The following MFHAS1 variants were observed in gnomAD, a reference collection of about 807,000 sequenced individuals.
MFHAS1 encodes malignant fibrous histiocytoma-amplified sequence 1.
MFHAS1 carries 50 observed loss-of-function variants against 70.4 expected under a neutral mutation model. The ratio of observed to expected loss-of-function variants is 0.71; its 90% CI spans 0.57 to 0.90. MFHAS1 has a LOEUF of 0.90. Ranked by LOEUF, MFHAS1 falls within the 40% of genes least tolerant of loss-of-function variation. The pLI, the probability that MFHAS1 is intolerant of heterozygous loss-of-function variation, is 0.00. For synonymous variants in MFHAS1, 952 were observed against 620.0 expected, an observed-to-expected ratio of 1.54 and a Z score of -7.96; for missense variants, 1,795 against 1,347.6, an observed-to-expected ratio of 1.33 and a Z score of -5.20.
chr8:8,855,204 C>T (rs58386088), intron 1 of MFHAS1, among the ~76,000 whole-genome samples: 6,257 of 152,308 alleles, frequency 0.041, 375 homozygotes, highest in African/African-American at 0.14. Flanking sequence ...CCACCCGCCT[C>T]GGCCTCCCAA....
chr8:8,837,855 A>AT (rs1807659622), intron 1 of MFHAS1, among the ~76,000 whole-genome samples: 1 of 152,192 alleles, frequency 6.6e-6, no homozygotes, highest in Non-Finnish European at 1.5e-5. Context: ...CCGCTACAGA[A>AT]AACAGTATTA....
intron 1 of MFHAS1, among the ~76,000 whole-genome samples, chr8:8,863,833 T>C (rs571050005): frequency 3.3e-5 from 5 of 152,268 alleles, no homozygotes; most frequent in East Asian, 1.9e-4. Context: ...CTTAAGAAAG[T>C]TGCATTTGTT....
rs764542837 is a variant in MFHAS1, at chr8:8,890,800, G to A, written c.2259C>T (p.Leu753=). ...CCTTGCCCTCTCCACTGGTCCCTAG[G>A]AGCAGCTTATGCAGCAGCAAAGAGG... The part of the protein sequence containing the change: ...RDPSLLLHKL[L]LGTSGEGKAE... Residue 753 remains leucine, a synonymous_variant, in exon 1 of 3, where the codon CTC becomes CTT. Coordinates refer to ENST00000276282, the MANE Select transcript of MFHAS1 (RefSeq NM_004225.3). 1 of 1,614,180 alleles carries A rather than the reference G, an allele frequency of 6.2e-7. No homozygotes were observed. The highest frequency in any genetic ancestry group is 1.1e-5 in the South Asian group (1 of 91,080).
chr8:8,800,736 T>G (rs1455793114), intron 1 of MFHAS1, among the ~76,000 whole-genome samples: 1 of 152,156 alleles, frequency 6.6e-6, no homozygotes, highest in East Asian at 1.9e-4. Flanking sequence ...CCCTGAAAAC[T>G]CTCTCCTGGT....
At chr8:8,865,214 T>A (rs567710739) in intron 1 of MFHAS1, among the ~76,000 whole-genome samples, 1 of 142,326 alleles carries the variant, frequency 7.0e-6, no homozygotes, top group South Asian at 2.2e-4. Flanking sequence ...GAGCTGGAGG[T>A]TGCAGTAAGC....
intron 1 of MFHAS1, among the ~76,000 whole-genome samples, chr8:8,829,979 G>A (rs1807320259): frequency 6.6e-6 from 1 of 152,218 alleles, no homozygotes; most frequent in Admixed American, 6.5e-5. Flanking sequence ...TTGCTTTAGA[G>A]TGTGCCTGCT....
chr8:8,839,519 A>T (rs1807724149), intron 1 of MFHAS1, among the ~76,000 whole-genome samples: 1 of 152,290 alleles, frequency 6.6e-6, no homozygotes, highest in South Asian at 2.1e-4. Context: ...ACCAATTATG[A>T]AATTAGTGAC....
intron 1 of MFHAS1, among the ~76,000 whole-genome samples, chr8:8,814,931 C>T (rs1286334780): frequency 6.7e-6 from 1 of 150,312 alleles, no homozygotes; most frequent in Non-Finnish European, 1.5e-5. Context: ...TAAACGTGTG[C>T]CATGGGAGTT....
intron 1 of MFHAS1, among the ~76,000 whole-genome samples, chr8:8,807,108 T>A (rs185015808): frequency 2.6e-5 from 4 of 152,258 alleles, no homozygotes; most frequent in South Asian, 4.2e-4. Context: ...GAGCGGCCCC[T>A]GAAGTAAGCC....
chr8:8,884,713 C>T (rs182517177), intron 1 of MFHAS1, among the ~76,000 whole-genome samples: 1 of 152,200 alleles, frequency 6.6e-6, no homozygotes, highest in East Asian at 1.9e-4. Context: ...GCCTATAATC[C>T]CAGCACTTTG....
In MFHAS1 at chr8:8,802,668, G is replaced by A. The variant is rs569041513; in HGVS notation, c.2999-5177C>T. On this transcript the variant is annotated intron_variant, in intron 1 of 2. Transcript: ENST00000276282. ...TCCTTGCATGGTGGAGAAGCTGGCTGGACTGCCCTAGGCCAGACTGTCCAT... is the reference window on the plus strand; with the variant it reads ...TCCTTGCATGGTGGAGAAGCTGGCTAGACTGCCCTAGGCCAGACTGTCCAT... 7.2e-5 allele frequency among the ~76,000 whole-genome samples: 11 copies of A among 152,332 alleles called. No individual in the cohort carries two copies. In the East Asian group the frequency reaches 2.1e-3, roughly 29 times the overall value.
intron 1 of MFHAS1, among the ~76,000 whole-genome samples, chr8:8,866,317 TG>T (rs1808855550): frequency 6.8e-6 from 1 of 148,102 alleles, no homozygotes; most frequent in Non-Finnish European, 1.5e-5. Context: ...ACTTCTTTTT[TG>T]TTTTTTTTTT....
chr8:8,867,409 G>T (rs1465808930), intron 1 of MFHAS1, among the ~76,000 whole-genome samples: 2 of 151,924 alleles, frequency 1.3e-5, no homozygotes, highest in African/African-American at 4.8e-5. Context: ...AGGCCCATAG[G>T]TACTTGCCTA....
In MFHAS1 at chr8:8,890,110, G is replaced by C; in HGVS notation, c.2949C>G (p.Leu983=). ...ATCCTCTCTTAAGGCACTTAGAACA[G>C]AGAATGTGCACGGTGTAGTGCAGTC... ...WPGLHYTVHI[L]CSKCLKRGSP... The change falls in exon 1 of 3, where the codon CTC becomes CTG. Residue 983 remains leucine (L), a synonymous_variant. Coordinates refer to ENST00000276282, the MANE Select transcript of MFHAS1 (RefSeq NM_004225.3). 1 of 1,613,738 alleles carries C rather than the reference G, an allele frequency of 6.2e-7. No individual in the cohort carries two copies. The highest frequency in any genetic ancestry group is 8.5e-7 in the Non-Finnish European group (1 of 1,179,798).
chr8:8,884,557 G>C (rs570354585), intron 1 of MFHAS1, among the ~76,000 whole-genome samples: 3 of 152,292 alleles, frequency 2.0e-5, no homozygotes, highest in Non-Finnish European at 4.4e-5. Context: ...ACGCACAATG[G>C]GAATGCTGGA....
chr8:8,798,801 C>A (rs932846637), intron 1 of MFHAS1, among the ~76,000 whole-genome samples: 1 of 152,186 alleles, frequency 6.6e-6, no homozygotes, highest in African/African-American at 2.4e-5. Flanking sequence ...GCAATCCTAG[C>A]AGTTTGGAAG....
rs376954265 is a variant in MFHAS1, at chr8:8,797,337, C to T, written c.3125+28G>A. On this transcript the variant is annotated intron_variant, in intron 2 of 2. Transcript: ENST00000276282. ...GGAGCTGGGATCAGGAGCCAGGTCC[C>T]GGGGCCAGAGGGACTTTGAGAACTC... 1.5e-5 allele frequency: 24 copies of T among 1,610,464 alleles called. No individual in the cohort carries two copies. In the African/African-American group the frequency reaches 2.5e-4, roughly 17 times the overall value.
At chr8:8,850,828 A>C (rs1808219707) in intron 1 of MFHAS1, among the ~76,000 whole-genome samples, 1 of 151,934 alleles carries the variant, frequency 6.6e-6, no homozygotes, top group East Asian at 1.9e-4. Flanking sequence ...AAAAAAAAAA[A>C]AAAAAATCAG....
Position 8,893,130 on chromosome 8 carries a change from C to G in MFHAS1, c.-72G>C. The stretch of plus-strand genomic sequence containing the variant: ...GCTACATGCCGCGCCGCGCCCCGGG[C>G]CCTCCGGCTCCTGCCCCTGCCTGCC... On this transcript the variant is annotated 5_prime_UTR_variant, in exon 1 of 3. Coordinates refer to ENST00000276282, the MANE Select transcript of MFHAS1 (RefSeq NM_004225.3). 1 of 1,133,242 alleles carries G rather than the reference C, an allele frequency of 8.8e-7. No homozygotes were observed. Among genetic ancestry groups the G allele is most frequent in the South Asian group, 2.1e-5 (1 of 47,636 alleles). 70.2% of individuals were successfully genotyped at this position (1,133,242 alleles called of 1,614,324 possible). A position where few individuals can be genotyped will look rare whatever the true frequency, so the allele number is the denominator to read the frequency against.
Sources: gnomAD v4.1 joint callset for allele counts (sites outside exome capture counted in the v4.1 genomes callset) on GRCh38, gnomAD v4.1.1 for gene constraint, MANE v1.5 for transcripts, NCBI Gene and HGNC (gene_info 2026-07-23, HGNC 2026-07-21) for gene names.